The following ARL15 variants were observed in gnomAD, a reference collection of about 807,000 sequenced individuals.
ARL15 encodes the protein ARF like GTPase 15, also known as ADP-ribosylation factor-like protein 15.
A neutral mutation model predicts 25.2 loss-of-function variants in ARL15; 19 were observed. The observed-to-expected ratio is 0.75, with a 90% CI of 0.53 to 1.10. ARL15 has a LOEUF of 1.10. Among genes scored for constraint, ARL15 ranks in the 50% least tolerant of loss-of-function variants. The probability of loss-of-function intolerance (pLI) is 0.00; values close to 1 mark genes in which losing one functional copy is unlikely to be tolerated. For synonymous variants in ARL15, 94 were observed against 86.8 expected, an observed-to-expected ratio of 1.08 and a Z score of -0.46; for missense variants, 220 against 246.0, an observed-to-expected ratio of 0.89 and a Z score of 0.71.
intron 4 of ARL15, among the ~76,000 whole-genome samples, chr5:54,066,034 T>C (rs927615542): frequency 2.0e-5 from 3 of 152,246 alleles, no homozygotes; most frequent in Non-Finnish European, 4.4e-5. Context: ...CTCTGCTAGA[T>C]GTTTTAAATA....
chr5:53,947,994 C>T (rs920924720), intron 4 of ARL15, among the ~76,000 whole-genome samples: 1 of 151,494 alleles, frequency 6.6e-6, no homozygotes, highest in East Asian at 1.9e-4. Context: ...AAATGAGACA[C>T]CAGTGGAAAA....
chr5:54,230,890 A>G, intron 1 of ARL15, among the ~76,000 whole-genome samples: 1 of 149,142 alleles, frequency 6.7e-6, no homozygotes, highest in African/African-American at 2.4e-5. Flanking sequence ...GTAGGTAAGC[A>G]AAAAAAATAC....
intron 1 of ARL15, among the ~76,000 whole-genome samples, chr5:54,203,744 T>C (rs1345354810): frequency 1.3e-5 from 2 of 152,136 alleles, no homozygotes; most frequent in Non-Finnish European, 2.9e-5. Context: ...ATACAAGGAA[T>C]CACTCACTGT....
chr5:54,228,875 A>T (rs1656862857), intron 1 of ARL15, among the ~76,000 whole-genome samples: 1 of 152,202 alleles, frequency 6.6e-6, no homozygotes, highest in Admixed American at 6.5e-5. Flanking sequence ...TTAAAAGGAT[A>T]TCATAGTATT....
chr5:54,171,953 G>A (rs369341512), intron 1 of ARL15, 25 bp from the exon 2 acceptor site: 3 of 1,603,262 alleles, frequency 1.9e-6, no homozygotes, highest in African/African-American at 1.3e-5. Flanking sequence ...GGAAAAAAAT[G>A]TTCCTTTAAA....
chr5:53,993,626 G>T (rs1400619347), intron 4 of ARL15, among the ~76,000 whole-genome samples: 1 of 152,016 alleles, frequency 6.6e-6, no homozygotes, highest in Non-Finnish European at 1.5e-5. Flanking sequence ...TTGCCCTGGG[G>T]TTCTCCTCCC....
intron 1 of ARL15, among the ~76,000 whole-genome samples, chr5:54,272,738 A>G (rs886462811): frequency 1.3e-5 from 2 of 152,256 alleles, no homozygotes; most frequent in Admixed American, 6.5e-5. Context: ...TTTTAAAATT[A>G]TCATTATAAC....
chr5:53,891,638 T>G (rs1015871573), intron 4 of ARL15, among the ~76,000 whole-genome samples: 1 of 152,208 alleles, frequency 6.6e-6, no homozygotes, highest in Non-Finnish European at 1.5e-5. Context: ...GCTGGATATC[T>G]GCTTTCCCCA....
chr5:53,956,992 A>C (rs1029411701), intron 4 of ARL15, among the ~76,000 whole-genome samples: 14 of 152,110 alleles, frequency 9.2e-5, no homozygotes, highest in African/African-American at 3.4e-4. Flanking sequence ...ACTTACACAT[A>C]ATGGGAAGCC....
chr5:53,934,109 C>G (rs1373871423), intron 4 of ARL15, among the ~76,000 whole-genome samples: 2 of 152,164 alleles, frequency 1.3e-5, no homozygotes, highest in African/African-American at 4.8e-5. Context: ...AGAAATGTTT[C>G]CTATGCTCAG....
At chr5:54,162,200 C>T (rs1754425436) in intron 2 of ARL15, among the ~76,000 whole-genome samples, 1 of 152,052 alleles carries the variant, frequency 6.6e-6, no homozygotes, top group Non-Finnish European at 1.5e-5. Flanking sequence ...CCTTCTCTAC[C>T]ATCAGTAACT....
At chr5:53,993,135 A>C (rs1050637031) in intron 4 of ARL15, among the ~76,000 whole-genome samples, 2 of 152,174 alleles carry the variant, frequency 1.3e-5, no homozygotes, top group Non-Finnish European at 2.9e-5. Flanking sequence ...TTAAGTAGAA[A>C]TGTGTCATTT....
In ARL15 at chr5:54,059,447, G is replaced by A. The variant is rs534966509; in HGVS notation, c.462+53755C>T. Reference sequence around the variant, plus strand: ...CACGGACTTCGATGTTCAAGTGACAGCTTAACCAGTTGTATTTAAATAATG... The same window carrying A: ...CACGGACTTCGATGTTCAAGTGACAACTTAACCAGTTGTATTTAAATAATG... On this transcript the variant is annotated intron_variant, in intron 4 of 4. Transcript: ENST00000504924. 4.9e-4 allele frequency among the ~76,000 whole-genome samples: 75 copies of A among 152,340 alleles called. 1 individual carries two copies. Among genetic ancestry groups the A allele is most frequent in the Admixed American group, 1.4e-3 (22 of 15,302 alleles).
At chr5:54,126,042 A>G (rs1338836431) in intron 3 of ARL15, among the ~76,000 whole-genome samples, 1 of 152,156 alleles carries the variant, frequency 6.6e-6, no homozygotes, top group East Asian at 1.9e-4. Context: ...TTTTTTAAAA[A>G]AGAAAAAGGC....
chr5:53,899,447 T>G (rs1415289661), intron 4 of ARL15, among the ~76,000 whole-genome samples: 1 of 151,214 alleles, frequency 6.6e-6, no homozygotes, highest in East Asian at 2.0e-4. Flanking sequence ...ATTGATTTTC[T>G]CTATTGTTTT....
intron 4 of ARL15, chr5:53,912,196 C>T (rs532795385): frequency 3.9e-5 from 6 of 152,158 alleles, no homozygotes; most frequent in African/African-American, 1.4e-4. Context: ...GAGGAAAGTA[C>T]TATTATTATT....
intron 4 of ARL15, among the ~76,000 whole-genome samples, chr5:54,047,627 A>G (rs1165032807): frequency 2.6e-5 from 4 of 152,234 alleles, no homozygotes; most frequent in African/African-American, 9.6e-5. Flanking sequence ...GACTAAAAGA[A>G]TATAGAATGC....
intron 4 of ARL15, among the ~76,000 whole-genome samples, chr5:53,946,989 C>A (rs1248246552): frequency 1.4e-4 from 21 of 152,110 alleles, no homozygotes; most frequent in Admixed American, 1.4e-3. Flanking sequence ...TATGTGGGAT[C>A]TCATTGTTGT....
intron 4 of ARL15, among the ~76,000 whole-genome samples, chr5:53,957,858 T>C (rs987284366): frequency 6.6e-6 from 1 of 151,868 alleles, no homozygotes; most frequent in African/African-American, 2.4e-5. Flanking sequence ...CAGGTAAATA[T>C]AAAAGCTAGT....
Sources: gnomAD v4.1 joint callset for allele counts (sites outside exome capture counted in the v4.1 genomes callset) on GRCh38, gnomAD v4.1.1 for gene constraint, MANE v1.5 for transcripts, NCBI Gene and HGNC (gene_info 2026-07-23, HGNC 2026-07-21) for gene names.